Variants in HACD2 observed in about 807,000 individuals in gnomAD.
HACD2 encodes the protein 3-hydroxyacyl-CoA dehydratase 2, also known as very-long-chain (3R)-3-hydroxyacyl-CoA dehydratase 2.
A neutral mutation model predicts 31.0 loss-of-function variants in HACD2; 15 were observed. That is an observed-to-expected ratio of 0.48 (90% confidence interval 0.32 to 0.75). HACD2 has a LOEUF of 0.75. HACD2 is among the 30% of genes least tolerant of loss of function. The pLI, the probability that HACD2 is intolerant of heterozygous loss-of-function variation, is 0.03. For missense variants in HACD2, 283 were observed against 313.0 expected, an observed-to-expected ratio of 0.90 and a Z score of 0.72; for synonymous variants, 115 against 122.2, an observed-to-expected ratio of 0.94 and a Z score of 0.39.
intron 3 of HACD2, among the ~76,000 whole-genome samples, chr3:123,538,082 C>G (rs950050624): frequency 1.3e-5 from 2 of 152,104 alleles, no homozygotes; most frequent in East Asian, 1.9e-4. Flanking sequence ...ATTCAAACAC[C>G]ATGGGACTCA....
At chr3:123,575,495 C>T (rs1458640970) in intron 2 of HACD2, among the ~76,000 whole-genome samples, 3 of 152,172 alleles carry the variant, frequency 2.0e-5, no homozygotes, top group Non-Finnish European at 2.9e-5. Flanking sequence ...CTGTTTTGGA[C>T]AGCGTTCCAA....
At chr3:123,569,335 AGACAGAT>A (rs1209687369) in intron 2 of HACD2, among the ~76,000 whole-genome samples, 3 of 152,184 alleles carry the variant, frequency 2.0e-5, no homozygotes, top group Non-Finnish European at 4.4e-5. Context: ...TGAAACAAGA[AGACAGAT>A]GACAGTACCT....
intron 3 of HACD2, among the ~76,000 whole-genome samples, chr3:123,538,321 T>C (rs1207346035): frequency 6.6e-6 from 1 of 152,230 alleles, no homozygotes; most frequent in Non-Finnish European, 1.5e-5. Context: ...TTATAAGTTC[T>C]GTGGATTTCC....
intron 3 of HACD2, among the ~76,000 whole-genome samples, chr3:123,566,771 C>T (rs1240559349): frequency 1.3e-5 from 2 of 152,090 alleles, no homozygotes; most frequent in African/African-American, 4.8e-5. Flanking sequence ...GTGGCGCACG[C>T]CTGTAATCCC....
chr3:123,514,559 T>C (rs1051475994), intron 4 of HACD2, among the ~76,000 whole-genome samples: 2 of 152,192 alleles, frequency 1.3e-5, no homozygotes, highest in Non-Finnish European at 2.9e-5. Context: ...GTGGGTTTTA[T>C]AACCATAAAG....
chr3:123,581,084 T>C (rs2056961309), intron 2 of HACD2, among the ~76,000 whole-genome samples: 1 of 152,104 alleles, frequency 6.6e-6, no homozygotes. Context: ...CCTCCCAGAG[T>C]GCTGGGATTA....
chr3:123,502,620 C>CG lies in HACD2; in HGVS notation c.442dup (p.Arg148ProfsTer66). On this transcript the variant is annotated frameshift_variant, in exon 5 of 7. Transcript: ENST00000383657. LOFTEE classifies it high-confidence loss of function. ...TAGACTGAATGTATAAAAGGAGTAACGGATGATTTCCGTGATCGTCCATGC... is the reference window on the plus strand; with the variant it reads ...TAGACTGAATGTATAAAAGGAGTAACGGGATGATTTCCGTGATCGTCCATGC... 1 of 1,608,826 alleles carries CG rather than the reference C, an allele frequency of 6.2e-7. No homozygotes were observed. The highest frequency in any genetic ancestry group is 8.5e-7 in the Non-Finnish European group (1 of 1,177,506).
intron 4 of HACD2, among the ~76,000 whole-genome samples, chr3:123,504,864 A>T (rs987945701): frequency 7.7e-6 from 1 of 129,518 alleles, no homozygotes; most frequent in Non-Finnish European, 1.6e-5. Flanking sequence ...AGATAATTAT[A>T]CAACCAATAA....
intron 3 of HACD2, among the ~76,000 whole-genome samples, chr3:123,528,740 A>G (rs955269612): frequency 6.6e-6 from 1 of 152,194 alleles, no homozygotes; most frequent in African/African-American, 2.4e-5. Flanking sequence ...CCACTGACCA[A>G]GTACAGTATT....
intron 3 of HACD2, among the ~76,000 whole-genome samples, chr3:123,565,468 A>C (rs547384044): frequency 6.6e-6 from 1 of 152,260 alleles, no homozygotes; most frequent in East Asian, 1.9e-4. Context: ...TGCCCCTTCC[A>C]CCATACAAGG....
rs901716217 is a variant in HACD2 at position 123,493,433 on chromosome 3, T to C, written c.*1455A>G. The C allele has an allele frequency of 3.9e-5, 6 of 152,208 alleles. No individual in the cohort carries two copies. Among genetic ancestry groups the C allele is most frequent in the African/African-American group, 1.4e-4 (6 of 41,458 alleles). 9.4% of individuals were successfully genotyped at this position (152,208 alleles called of 1,614,324 possible). ...TATATTTTAAATGACAACTACTCAA[T>C]AAGCTAAACTTTTAAACTCTTAAAG... On this transcript the variant is annotated 3_prime_UTR_variant, in exon 7 of 7. Coordinates refer to ENST00000383657, the MANE Select transcript of HACD2 (RefSeq NM_198402.5).
intron 3 of HACD2, among the ~76,000 whole-genome samples, chr3:123,540,382 G>A (rs1306145986): frequency 1.3e-5 from 2 of 152,194 alleles, no homozygotes; most frequent in African/African-American, 4.8e-5. Flanking sequence ...CGAACATTCA[G>A]AGCCTCCTCA....
chr3:123,569,699 C>A (rs72968537), intron 2 of HACD2, among the ~76,000 whole-genome samples: 18,171 of 151,892 alleles, frequency 0.12, 2,516 homozygotes, highest in East Asian at 0.35. Flanking sequence ...AGCAAGACAC[C>A]CAGACTGGCC....
chr3:123,581,056 G>A (rs954488100), intron 2 of HACD2, among the ~76,000 whole-genome samples: 15 of 151,986 alleles, frequency 9.9e-5, no homozygotes, highest in Non-Finnish European at 1.8e-4. Context: ...TCCTGACCTC[G>A]TGATCCACCC....
intron 3 of HACD2, among the ~76,000 whole-genome samples, chr3:123,561,081 G>A (rs989458770): frequency 2.0e-5 from 3 of 151,710 alleles, no homozygotes; most frequent in Non-Finnish European, 4.4e-5. Context: ...TCAAAGTAGC[G>A]GGGGGGCAGA....
chr3:123,544,735 ATACT>A (rs1346352944), intron 3 of HACD2, among the ~76,000 whole-genome samples: 1 of 152,202 alleles, frequency 6.6e-6, no homozygotes, highest in African/African-American at 2.4e-5. Flanking sequence ...CTCAGCTAAT[ATACT>A]TATTCATACT....
intron 3 of HACD2, among the ~76,000 whole-genome samples, chr3:123,555,621 GA>G (rs1158145685): frequency 6.6e-6 from 1 of 152,188 alleles, no homozygotes; most frequent in East Asian, 1.9e-4. Flanking sequence ...TCTGTGGATT[GA>G]AAGAGTCAAT....
intron 3 of HACD2, among the ~76,000 whole-genome samples, chr3:123,554,766 A>G (rs1001348513): frequency 1.3e-5 from 2 of 152,236 alleles, no homozygotes; most frequent in Non-Finnish European, 2.9e-5. Flanking sequence ...GCACAAGGGC[A>G]TATCAGGCAA....
rs557779768 is a variant in HACD2 at position 123,501,780 on chromosome 3, G to A, written c.503+780C>T. On this transcript the variant is annotated intron_variant, in intron 5 of 6. Coordinates refer to ENST00000383657, the MANE Select transcript of HACD2 (RefSeq NM_198402.5). ...TAATAAAAATGTTCATTGCAAATGAGAAAAATAATAAAATAACAAAGGAGT... is the reference window on the plus strand; with the variant it reads ...TAATAAAAATGTTCATTGCAAATGAAAAAAATAATAAAATAACAAAGGAGT... Among the ~76,000 whole-genome samples the A allele has an allele frequency of 4.6e-5, 7 of 152,252 alleles. No homozygotes were observed. The East Asian group carries it at 9.6e-4, about 21-fold the overall frequency.
Sources: allele counts gnomAD v4.1 joint callset (sites outside exome capture counted in the v4.1 genomes callset), GRCh38; gene constraint gnomAD v4.1.1; transcripts MANE v1.5; gene names NCBI Gene and HGNC (gene_info 2026-07-23, HGNC 2026-07-21).